The following SRGAP3 variants were observed in gnomAD, a reference collection of about 807,000 sequenced individuals.
SRGAP3 encodes SLIT-ROBO Rho GTPase-activating protein 3.
Under a neutral mutation model 121.1 loss-of-function variants are expected in SRGAP3, and 39 were observed. That is an observed-to-expected ratio of 0.32 (90% CI 0.25 to 0.42). The LOEUF (loss-of-function observed/expected upper bound fraction) is 0.42. SRGAP3 is among the 10% of genes least tolerant of loss of function. The pLI, the probability that SRGAP3 is intolerant of heterozygous loss-of-function variation, is 1.00. For synonymous variants in SRGAP3, 601 were observed against 570.0 expected (o/e 1.05, Z -0.77); for missense variants, 1,213 against 1,470.6 (o/e 0.82, Z 2.86).
At chr3:9,133,040 G>C (rs1384573445) in intron 1 of SRGAP3, among the ~76,000 whole-genome samples, 3 of 147,980 alleles carry the variant, frequency 2.0e-5, no homozygotes. Flanking sequence ...TATATTATAT[G>C]ATATATTATA....
upstream of SRGAP3, among the ~76,000 whole-genome samples, chr3:9,254,446 C>T (rs982410116): frequency 1.2e-4 from 18 of 152,112 alleles, no homozygotes; most frequent in Non-Finnish European, 7.4e-5. Context: ...CTAGAAAGAG[C>T]GAGGACAGGC....
At chr3:9,008,800 G>T (rs1292055760) in intron 18 of SRGAP3, among the ~76,000 whole-genome samples, 1 of 152,106 alleles carries the variant, frequency 6.6e-6, no homozygotes, top group African/African-American at 2.4e-5. Context: ...TCCCTCTCAG[G>T]CCATGGGGAC....
intron 1 of SRGAP3, among the ~76,000 whole-genome samples, chr3:9,240,827 G>A (rs547389342): frequency 6.6e-6 from 1 of 152,326 alleles, no homozygotes; most frequent in South Asian, 2.1e-4. Flanking sequence ...TCACAGCCGT[G>A]CGGGCAGTTT....
intron 21 of SRGAP3, among the ~76,000 whole-genome samples, chr3:8,987,467 T>A (rs1362584882): frequency 1.3e-5 from 2 of 152,058 alleles, no homozygotes; most frequent in African/African-American, 4.8e-5. Flanking sequence ...GATGGTGGGG[T>A]TGGAGCCTGG....
intron 7 of SRGAP3, among the ~76,000 whole-genome samples, chr3:9,057,335 T>G (rs1945872055): frequency 6.6e-6 from 1 of 152,202 alleles, no homozygotes; most frequent in African/African-American, 2.4e-5. Flanking sequence ...TAGCGCTCTG[T>G]GGACTGTACT....
intron 3 of SRGAP3, among the ~76,000 whole-genome samples, chr3:9,320,111 G>A (rs1955415626): frequency 6.6e-6 from 1 of 151,836 alleles, no homozygotes; most frequent in Non-Finnish European, 1.5e-5. Flanking sequence ...GCCAATCTTG[G>A]TGCTTTCCTG....
intron 3 of SRGAP3, among the ~76,000 whole-genome samples, chr3:9,092,571 C>T (rs1947801545): frequency 6.6e-6 from 1 of 152,058 alleles, no homozygotes; most frequent in African/African-American, 2.4e-5. Flanking sequence ...TGCCCAAGGC[C>T]ATAGAGCTAG....
intron 14 of SRGAP3, among the ~76,000 whole-genome samples, chr3:9,022,026 G>A (rs1943948923): frequency 6.6e-6 from 1 of 151,828 alleles, no homozygotes; most frequent in South Asian, 2.1e-4. Flanking sequence ...CAGAGACCCT[G>A]TCTCAAAAAC....
chr3:9,064,864 TA>T lies in SRGAP3; in HGVS notation c.487-284del, dbSNP rs780984323. The stretch of plus-strand genomic sequence containing the variant: ...TAAAGAGGAAATTAAAAAATAATAA[TA>T]AATAAATAAATAAATAAATAAATAA... On this transcript the variant is annotated intron_variant, in intron 4 of 21. Transcript: ENST00000383836. 8.5e-3 allele frequency among the ~76,000 whole-genome samples: 388 copies of T among 45,652 alleles called. 2 individuals are homozygous for T. Among genetic ancestry groups the T allele is most frequent in the Non-Finnish European group, 0.018 (281 of 16,054 alleles). The allele number at this position is 45,652 out of a possible 152,430, so 29.9% of individuals were successfully genotyped here.
At chr3:9,070,665 GAGA>G (rs1041102746) in intron 4 of SRGAP3, among the ~76,000 whole-genome samples, 16 of 152,176 alleles carry the variant, frequency 1.1e-4, no homozygotes, top group Non-Finnish European at 2.1e-4. Flanking sequence ...GAGAAAGGAA[GAGA>G]AGAAGGCAGG....
At chr3:9,129,244 T>G (rs1313726301) in intron 1 of SRGAP3, among the ~76,000 whole-genome samples, 1 of 151,072 alleles carries the variant, frequency 6.6e-6, no homozygotes. Context: ...CCACAACATT[T>G]TGATACAGTT....
At chr3:9,345,747 C>T (rs1955876347) in intron 1 of SRGAP3, among the ~76,000 whole-genome samples, 1 of 139,114 alleles carries the variant, frequency 7.2e-6, no homozygotes, top group Non-Finnish European at 1.5e-5. Context: ...CATTGCACCA[C>T]TGCACTCCAG....
intron 3 of SRGAP3, among the ~76,000 whole-genome samples, chr3:9,267,115 T>C (rs1295894741): frequency 6.6e-6 from 1 of 152,186 alleles, no homozygotes; most frequent in Non-Finnish European, 1.5e-5. Context: ...GAAAGATAAT[T>C]CAGAACAGAC....
chr3:9,102,216 G>C (rs1948244204), intron 3 of SRGAP3, among the ~76,000 whole-genome samples: 2 of 152,160 alleles, frequency 1.3e-5, no homozygotes, highest in Admixed American at 6.5e-5. Context: ...ACCAGGCCTG[G>C]GCTGGACACT....
At chr3:9,187,249 C>A (rs2125131813) in intron 1 of SRGAP3, among the ~76,000 whole-genome samples, 1 of 152,180 alleles carries the variant, frequency 6.6e-6, no homozygotes, top group South Asian at 2.1e-4. Flanking sequence ...TGTCCCTCAG[C>A]AAAAAGTTTT....
chr3:9,074,315 C>T (rs1188465028), intron 4 of SRGAP3, among the ~76,000 whole-genome samples: 9 of 152,196 alleles, frequency 5.9e-5, no homozygotes, highest in Non-Finnish European at 8.8e-5. Context: ...GGGCTATACT[C>T]TATGACAATC....
intron 1 of SRGAP3, among the ~76,000 whole-genome samples, chr3:9,331,173 C>T (rs889860480): frequency 5.3e-5 from 8 of 152,160 alleles, no homozygotes; most frequent in Non-Finnish European, 1.2e-4. Flanking sequence ...AAAACAAACA[C>T]ACACAAATAG....
intron 4 of SRGAP3, among the ~76,000 whole-genome samples, chr3:9,069,439 C>T (rs1946580328): frequency 6.6e-6 from 1 of 152,172 alleles, no homozygotes; most frequent in African/African-American, 2.4e-5. Flanking sequence ...GTCTGAAGGG[C>T]CCCTCAGAGG....
intron 4 of SRGAP3, among the ~76,000 whole-genome samples, chr3:9,075,837 C>CAAAAGAAATCCCTAGCAATG (rs1211908460): frequency 1.3e-5 from 2 of 152,178 alleles, no homozygotes; most frequent in Non-Finnish European, 2.9e-5. Context: ...AGAAAGTGCT[C>CAAAAGAAATCCCTAGCAATG]AAAAGAAATC....
Sources: allele counts gnomAD v4.1 joint callset (sites outside exome capture counted in the v4.1 genomes callset), GRCh38; gene constraint gnomAD v4.1.1; transcripts MANE v1.5; gene names NCBI Gene and HGNC (gene_info 2026-07-23, HGNC 2026-07-21).